The following KCNK1 variants were observed in gnomAD, a reference collection of about 807,000 sequenced individuals.
KCNK1 encodes potassium two pore domain channel subfamily K member 1.
Under a neutral mutation model 22.2 loss-of-function variants are expected in KCNK1, and 10 were observed. That is an observed-to-expected ratio of 0.45 (90% CI 0.28 to 0.76). KCNK1 has a LOEUF of 0.76. KCNK1 is among the 30% of genes least tolerant of loss of function. The pLI is 0.14. For synonymous variants in KCNK1, 200 were observed against 186.4 expected (o/e 1.07, Z -0.60); for missense variants, 378 against 421.0 (o/e 0.90, Z 0.89).
chr1:233,665,206 G>T (rs1658468642), intron 1 of KCNK1, among the ~76,000 whole-genome samples: 1 of 152,212 alleles, frequency 6.6e-6, no homozygotes. Context: ...AAATGTGTCA[G>T]TTTATGAATG....
intron 1 of KCNK1, among the ~76,000 whole-genome samples, chr1:233,619,695 C>T (rs889178997): frequency 4.6e-5 from 7 of 152,036 alleles, no homozygotes; most frequent in South Asian, 2.1e-4. Flanking sequence ...GTGGATCACG[C>T]AGTCAGGAGT....
chr1:233,638,650 T>G (rs984873271), intron 1 of KCNK1, among the ~76,000 whole-genome samples: 2 of 152,274 alleles, frequency 1.3e-5, no homozygotes, highest in African/African-American at 4.8e-5. Context: ...TGGGCCATCC[T>G]TTTGGGGCTG....
intron 1 of KCNK1, among the ~76,000 whole-genome samples, chr1:233,635,885 T>C (rs372977385): frequency 6.6e-6 from 1 of 152,214 alleles, no homozygotes; most frequent in East Asian, 1.9e-4. Flanking sequence ...AAAGGTGATA[T>C]AAGGTTTGCA....
chr1:233,614,406 C>A lies in KCNK1; in HGVS notation c.235C>A (p.Leu79Met). Residue 79 changes from leucine to methionine, a missense_variant, in exon 1 of 3, where the codon CTG (leucine) becomes ATG (methionine). Physicochemically the swap from Leu to Met is conservative, Grantham distance 15. Transcript: ENST00000366621. ...CLSEQQLEQF[L>M]GRVLEASNYG... The stretch of plus-strand genomic sequence containing the variant: ...GTCTGAGCAGCAGCTGGAGCAGTTC[C>A]TGGGCCGGGTGCTGGAGGCCAGCAA... 1.2e-6 allele frequency: 2 copies of A among 1,612,130 alleles called. No individual in the cohort carries two copies. Among genetic ancestry groups the A allele is most frequent in the Non-Finnish European group, 1.7e-6 (2 of 1,179,298 alleles).
intron 1 of KCNK1, among the ~76,000 whole-genome samples, chr1:233,626,264 C>T (rs974431252): frequency 7.2e-5 from 11 of 152,034 alleles, no homozygotes; most frequent in African/African-American, 1.9e-4. Flanking sequence ...GAATGACCCC[C>T]GGGTTTCTGA....
chr1:233,628,625 T>C (rs532542695), intron 1 of KCNK1, among the ~76,000 whole-genome samples: 10 of 152,038 alleles, frequency 6.6e-5, no homozygotes, highest in Non-Finnish European at 1.3e-4. Context: ...CCAGGCGTGG[T>C]GGTGGGTGCC....
At chr1:233,625,508 G>A (rs531568769) in intron 1 of KCNK1, among the ~76,000 whole-genome samples, 3 of 152,272 alleles carry the variant, frequency 2.0e-5, no homozygotes, top group South Asian at 2.1e-4. Flanking sequence ...GTGAGAGATA[G>A]GAGGGCAGGA....
intron 2 of KCNK1, among the ~76,000 whole-genome samples, chr1:233,669,579 G>A (rs542096960): frequency 1.3e-5 from 2 of 152,280 alleles, no homozygotes; most frequent in East Asian, 3.9e-4. Flanking sequence ...TGGGCACGGT[G>A]GCTCATGCCT....
chr1:233,646,964 CT>C (rs1205508146), intron 1 of KCNK1, among the ~76,000 whole-genome samples: 12 of 152,164 alleles, frequency 7.9e-5, no homozygotes, highest in Non-Finnish European at 1.6e-4. Context: ...GCCTATAGAT[CT>C]TCCCACCAAA....
intron 2 of KCNK1, among the ~76,000 whole-genome samples, chr1:233,668,389 A>G (rs1658535396): frequency 6.6e-6 from 1 of 152,180 alleles, no homozygotes; most frequent in Non-Finnish European, 1.5e-5. Context: ...ATAAATCCCT[A>G]ATGCTTTGAA....
intron 1 of KCNK1, among the ~76,000 whole-genome samples, chr1:233,624,586 A>C (rs925116852): frequency 6.6e-6 from 1 of 152,240 alleles, no homozygotes; most frequent in Non-Finnish European, 1.5e-5. Flanking sequence ...ACATTTCTTC[A>C]TATGTCTGAA....
chr1:233,648,134 T>C (rs1408873964), intron 1 of KCNK1, among the ~76,000 whole-genome samples: 1 of 152,226 alleles, frequency 6.6e-6, no homozygotes, highest in Non-Finnish European at 1.5e-5. Context: ...GTGCCATACC[T>C]CTGTATTCTA....
chr1:233,620,993 G>C (rs1029410402), intron 1 of KCNK1, among the ~76,000 whole-genome samples: 1 of 152,166 alleles, frequency 6.6e-6, no homozygotes, highest in Admixed American at 6.5e-5. Context: ...GAAATTAATA[G>C]GTTGAACAAC....
chr1:233,619,914 G>A (rs1657549014), intron 1 of KCNK1, among the ~76,000 whole-genome samples: 1 of 149,130 alleles, frequency 6.7e-6, no homozygotes, highest in Admixed American at 6.7e-5. Context: ...CTCCGTCTAA[G>A]CGAGGGGGGC....
At chr1:233,633,813 C>T (rs920970444) in intron 1 of KCNK1, among the ~76,000 whole-genome samples, 2 of 151,960 alleles carry the variant, frequency 1.3e-5, no homozygotes, top group Non-Finnish European at 2.9e-5. Context: ...CATTAAGCCT[C>T]GTTAATGGTA....
rs113870605 is a variant in KCNK1 at position 233,640,745 on chromosome 1, G to A, written c.356-25850G>A. The stretch of plus-strand genomic sequence containing the variant: ...TTTTTAGACAGGGTCTCGTTGTGTC[G>A]CCAGACTGGAGTGCAGTAGCTCAAT... On this transcript the variant is annotated intron_variant, in intron 1 of 2. Transcript: ENST00000366621. Among the ~76,000 whole-genome samples the A allele has an allele frequency of 8.2e-3, 1,240 of 151,792 alleles. 11 individuals carry two copies. The highest frequency in any genetic ancestry group is 0.02 in the African/African-American group (838 of 41,366).
In KCNK1 at chr1:233,671,472, A is replaced by T. The variant is rs549205062; in HGVS notation, c.953A>T (p.Asn318Ile). Residue 318 changes from asparagine to isoleucine, a missense_variant, in exon 3 of 3, where the codon AAT (asparagine) becomes ATT (isoleucine). Physicochemically the swap from Asn to Ile is moderately radical, Grantham distance 149. Coordinates refer to ENST00000366621, the MANE Select transcript of KCNK1 (RefSeq NM_002245.4). ...GGCATGAAAGAGGACCAGAAGCAAA[A>T]TGAGCCTTTTGTGGCCACCCAGTCA... ...AAGMKEDQKQ[N>I]EPFVATQSSA... The T allele has an allele frequency of 1.2e-6, 2 of 1,614,066 alleles. No homozygotes were observed. Among genetic ancestry groups the T allele is most frequent in the African/African-American group, 2.7e-5 (2 of 74,930 alleles).
chr1:233,639,642 T>C (rs112334250), intron 1 of KCNK1, among the ~76,000 whole-genome samples: 12 of 152,330 alleles, frequency 7.9e-5, no homozygotes, highest in African/African-American at 2.9e-4. Context: ...CTTGTTAATA[T>C]CATAAGGGAG....
chr1:233,641,338 A>T (rs1462806130), intron 1 of KCNK1, among the ~76,000 whole-genome samples: 1 of 152,336 alleles, frequency 6.6e-6, no homozygotes, highest in Non-Finnish European at 1.5e-5. Flanking sequence ...AGCTTGCTCC[A>T]TGCAGAGCCC....
Sources: gnomAD v4.1 joint callset for allele counts (sites outside exome capture counted in the v4.1 genomes callset) on GRCh38, gnomAD v4.1.1 for gene constraint, MANE v1.5 for transcripts, NCBI Gene and HGNC (gene_info 2026-07-23, HGNC 2026-07-21) for gene names.